Variants in ACSM3 observed in about 807,000 individuals in gnomAD.
ACSM3 encodes acyl-coenzyme A synthetase ACSM3, mitochondrial.
In ACSM3, 61 loss-of-function variants were observed where a neutral mutation model predicts 74.1. The observed-to-expected ratio is 0.82, with a 90% confidence interval of 0.67 to 1.02. ACSM3 has a LOEUF of 1.02. Ranked by LOEUF, ACSM3 falls within the 50% of genes least tolerant of loss-of-function variation. The pLI is 0.00. For synonymous variants in ACSM3, 213 were observed against 241.5 expected, an observed-to-expected ratio of 0.88 and a Z score of 1.09; for missense variants, 660 against 697.0, an observed-to-expected ratio of 0.95 and a Z score of 0.60.
At chr16:20,728,329 C>T (rs1291483351) in intron 1 of ACSM3, 6 of 896,392 alleles carry the variant, frequency 6.7e-6, no homozygotes, top group Non-Finnish European at 1.0e-5. Context: ...CTATTTACAA[C>T]CTGCTTTCAT....
rs961664717 is a variant in ACSM3 at position 20,792,581 on chromosome 16, G to A, written c.1554+246G>A. On this transcript the variant is annotated intron_variant, in intron 12 of 13. Coordinates refer to ENST00000289416, the MANE Select transcript of ACSM3 (RefSeq NM_005622.4). ...ACTAGAAAGAATTTGAATTCCTTCCGTGGTGGACTAGGGCAAAGATGGTGT... is the reference window on the plus strand; with the variant it reads ...ACTAGAAAGAATTTGAATTCCTTCCATGGTGGACTAGGGCAAAGATGGTGT... The A allele has an allele frequency of 1.2e-5, 12 of 985,276 alleles. No homozygotes were observed. The African/African-American group carries it at 1.7e-4, about 14-fold the overall frequency. 61.0% of individuals were successfully genotyped at this position (985,276 alleles called of 1,614,324 possible).
intron 1 of ACSM3, among the ~76,000 whole-genome samples, chr16:20,709,123 T>A (rs2079735776): frequency 6.6e-6 from 1 of 152,148 alleles, no homozygotes; most frequent in African/African-American, 2.4e-5. Flanking sequence ...AAAGTATAAT[T>A]TAAAAAATGG....
intron 1 of ACSM3, among the ~76,000 whole-genome samples, chr16:20,746,266 C>T (rs531156606): frequency 1.3e-5 from 2 of 152,316 alleles, no homozygotes; most frequent in Admixed American, 6.5e-5. Context: ...CAGACTCAGT[C>T]GTGAATCATG....
chr16:20,753,659 A>G (rs1474212641), intron 2 of ACSM3, among the ~76,000 whole-genome samples: 2 of 152,100 alleles, frequency 1.3e-5, no homozygotes, highest in Non-Finnish European at 2.9e-5. Context: ...GTACAGATAT[A>G]CAGACAGAGA....
chr16:20,757,149 T>C (rs892382917), intron 3 of ACSM3, among the ~76,000 whole-genome samples: 5 of 152,162 alleles, frequency 3.3e-5, no homozygotes, highest in African/African-American at 1.2e-4. Flanking sequence ...AACTTTAAAG[T>C]AGTTTTTTCC....
chr16:20,741,671 C>T (rs1489905342), intron 1 of ACSM3: 6 of 1,584,696 alleles, frequency 3.8e-6, no homozygotes, highest in Non-Finnish European at 5.1e-6. Context: ...GCTTGGCCAG[C>T]ACATACTGAG....
At chr16:20,796,295 G>A in intron 12 of ACSM3, 75 bp from the exon 13 acceptor site, 4 of 1,560,442 alleles carry the variant, frequency 2.6e-6, no homozygotes, top group Non-Finnish European at 3.5e-6. Context: ...TAGATTCTCA[G>A]AGCAAGCAAA....
intron 1 of ACSM3, among the ~76,000 whole-genome samples, chr16:20,686,444 GAA>G (rs1332397111): frequency 1.3e-5 from 2 of 152,126 alleles, no homozygotes; most frequent in African/African-American, 4.8e-5. Flanking sequence ...ACAGGCAGGG[GAA>G]CAACACACAC....
intron 3 of ACSM3, among the ~76,000 whole-genome samples, chr16:20,757,847 G>T (rs558325332): frequency 6.8e-6 from 1 of 146,472 alleles, no homozygotes. Flanking sequence ...TAGCATGAAG[G>T]TTGTTGAATT....
At chr16:20,716,270 G>T (rs1397566624) in intron 1 of ACSM3, among the ~76,000 whole-genome samples, 1 of 152,172 alleles carries the variant, frequency 6.6e-6, no homozygotes, top group Non-Finnish European at 1.5e-5. Context: ...TATAGGGATT[G>T]TTGGCAGAAA....
At chr16:20,738,221 T>C in intron 1 of ACSM3, 1 of 514,402 alleles carries the variant, frequency 1.9e-6, no homozygotes, top group South Asian at 1.5e-5. Context: ...TTGTTAACAT[T>C]TTTGTGATGT....
intron 4 of ACSM3, among the ~76,000 whole-genome samples, chr16:20,778,998 G>A (rs1055904766): frequency 6.6e-6 from 1 of 152,206 alleles, no homozygotes; most frequent in East Asian, 1.9e-4. Flanking sequence ...TGATCTGCCC[G>A]TCTCAGCCTC....
In ACSM3 at chr16:20,682,438, G is replaced by C. The variant is rs376257837; in HGVS notation, c.-190+7616G>C. ...AGAGAATGTCTTTGGCCTTCAACAG[G>C]ATGGTCGCAGGAATGAAGATGATCC... On this transcript the variant is annotated intron_variant, in intron 1 of 3. Transcript: ENST00000561584. 3.7e-6 allele frequency: 6 copies of C among 1,613,598 alleles called. No individual in the cohort carries two copies. In the African/African-American group the frequency reaches 6.7e-5, roughly 18 times the overall value.
At chr16:20,781,335 A>G (rs2080349058) in intron 6 of ACSM3, among the ~76,000 whole-genome samples, 1 of 152,208 alleles carries the variant, frequency 6.6e-6, no homozygotes, top group Non-Finnish European at 1.5e-5. Flanking sequence ...TGCCAGGCAC[A>G]TATTGAAAAT....
intron 1 of ACSM3, chr16:20,742,173 G>T: frequency 1.4e-6 from 1 of 695,280 alleles, no homozygotes; most frequent in African/African-American, 1.9e-5. Flanking sequence ...CAATGGTCAA[G>T]TCCCGTAACA....
chr16:20,760,363 C>T (rs1177191790), upstream of ACSM3, among the ~76,000 whole-genome samples: 1 of 152,090 alleles, frequency 6.6e-6, no homozygotes, highest in Non-Finnish European at 1.5e-5. Context: ...TTAAGGTGAT[C>T]ACAGGCTCAG....
intron 1 of ACSM3, chr16:20,682,275 C>A: frequency 6.2e-7 from 1 of 1,613,260 alleles, no homozygotes; most frequent in East Asian, 2.2e-5. Flanking sequence ...GATCGGAAGT[C>A]CAGCCACCCT....
chr16:20,700,466 T>C (rs1205251092), intron 1 of ACSM3, among the ~76,000 whole-genome samples: 2 of 151,814 alleles, frequency 1.3e-5, no homozygotes, highest in African/African-American at 2.4e-5. Context: ...TTTTGAGACC[T>C]GAAGGAGGAG....
chr16:20,685,826 A>C (rs1178749920), intron 1 of ACSM3, among the ~76,000 whole-genome samples: 4 of 127,804 alleles, frequency 3.1e-5, no homozygotes, highest in Non-Finnish European at 5.3e-5. Flanking sequence ...TCTCAAAAAA[A>C]AAAAACAAAC....
Sources: gnomAD v4.1 joint callset for allele counts (sites outside exome capture counted in the v4.1 genomes callset) on GRCh38, gnomAD v4.1.1 for gene constraint, MANE v1.5 for transcripts, NCBI Gene and HGNC (gene_info 2026-07-23, HGNC 2026-07-21) for gene names.